C1orf21: variants seen among roughly 807,000 people sequenced by gnomAD.
The protein encoded by C1orf21 is uncharacterized protein C1orf21.
In C1orf21, 3 loss-of-function variants were observed where a neutral mutation model predicts 18.7. The observed-to-expected ratio is 0.16, with a 90% CI of 0.07 to 0.42. C1orf21 has a LOEUF of 0.42. Ranked by LOEUF, C1orf21 falls within the 10% of genes least tolerant of loss-of-function variation. The probability of loss-of-function intolerance (pLI) is 0.99; values close to 1 mark genes in which losing one functional copy is unlikely to be tolerated. For synonymous variants in C1orf21, 41 were observed against 46.4 expected (o/e 0.88, Z 0.47); for missense variants, 104 against 143.6 (o/e 0.72, Z 1.41).
At chr1:184,391,550 C>T (rs951522013) in intron 1 of C1orf21, among the ~76,000 whole-genome samples, 1 of 152,098 alleles carries the variant, frequency 6.6e-6, no homozygotes, top group African/African-American at 2.4e-5. Flanking sequence ...GTCAAAATTT[C>T]CTTGGAGAAA....
At chr1:184,496,046 T>C (rs924516825) in intron 2 of C1orf21, among the ~76,000 whole-genome samples, 4 of 152,004 alleles carry the variant, frequency 2.6e-5, no homozygotes, top group Middle Eastern at 3.2e-3. Flanking sequence ...TGAAGAGAAG[T>C]TGGCAGAAGG....
intron 3 of C1orf21, among the ~76,000 whole-genome samples, chr1:184,577,147 G>A (rs1309167719): frequency 1.3e-5 from 2 of 150,756 alleles, no homozygotes; most frequent in African/African-American, 2.4e-5. Flanking sequence ...GATGAAATTA[G>A]GGATCTTGGC....
chr1:184,578,443 A>G (rs1659225837), intron 3 of C1orf21, among the ~76,000 whole-genome samples: 1 of 152,210 alleles, frequency 6.6e-6, no homozygotes, highest in Non-Finnish European at 1.5e-5. Context: ...GGTTGTATGT[A>G]TGCAGCTTTC....
intron 5 of C1orf21, among the ~76,000 whole-genome samples, chr1:184,607,850 C>T (rs1231558139): frequency 6.6e-6 from 1 of 151,790 alleles, no homozygotes; most frequent in Non-Finnish European, 1.5e-5. Flanking sequence ...TTGTATGATA[C>T]CATGTACATT....
chr1:184,484,167 G>T (rs1657699252), intron 2 of C1orf21, among the ~76,000 whole-genome samples: 1 of 152,068 alleles, frequency 6.6e-6, no homozygotes, highest in African/African-American at 2.4e-5. Flanking sequence ...AACCTCAGGT[G>T]ATCCACCCGC....
intron 1 of C1orf21, among the ~76,000 whole-genome samples, chr1:184,397,317 T>C (rs1656066544): frequency 6.6e-6 from 1 of 152,250 alleles, no homozygotes; most frequent in African/African-American, 2.4e-5. Flanking sequence ...CTAGGCACAG[T>C]GGCTCACGCC....
At chr1:184,567,884 A>G (rs1199006023) in intron 3 of C1orf21, 2 of 198,458 alleles carry the variant, frequency 1.0e-5, no homozygotes, top group African/African-American at 2.4e-5. Flanking sequence ...TCCAGGGGCT[A>G]ATCTTGAGAC....
chr1:184,559,219 A>G (rs752387737), intron 3 of C1orf21, among the ~76,000 whole-genome samples: 2 of 152,086 alleles, frequency 1.3e-5, no homozygotes, highest in Non-Finnish European at 2.9e-5. Context: ...TATTTTCGCA[A>G]TAGTGAGTTA....
rs148775977 is a variant in C1orf21 at position 184,596,763 on chromosome 1, C to T, written c.267-1638C>T. On this transcript the variant is annotated intron_variant, in intron 4 of 5. Coordinates refer to ENST00000235307, the MANE Select transcript of C1orf21 (RefSeq NM_030806.4). ...GCTCACGCCTGCAGTCCCAACTACT[C>T]GGGAGGCTGAGGCAGGAGAATTGCT... Among the ~76,000 whole-genome samples, 954 of 151,280 alleles carry T rather than the reference C, an allele frequency of 6.3e-3. 12 individuals are homozygous for T. Among genetic ancestry groups the T allele is most frequent in the African/African-American group, 0.022 (902 of 41,242 alleles).
chr1:184,421,786 A>T (rs921443755), intron 1 of C1orf21, among the ~76,000 whole-genome samples: 8 of 152,226 alleles, frequency 5.3e-5, no homozygotes, highest in Non-Finnish European at 7.3e-5. Flanking sequence ...TACTATTTAC[A>T]GTGGAGCTGT....
At chr1:184,593,413 T>A (rs1178481277) in intron 4 of C1orf21, among the ~76,000 whole-genome samples, 1 of 152,194 alleles carries the variant, frequency 6.6e-6, no homozygotes, top group Non-Finnish European at 1.5e-5. Flanking sequence ...CTTGCTGACA[T>A]ATAGGATCAA....
chr1:184,542,635 T>C (rs1368784543), intron 3 of C1orf21: 1 of 152,218 alleles, frequency 6.6e-6, no homozygotes, highest in African/African-American at 2.4e-5. Context: ...TTCTCCTTCC[T>C]ACATGGAGAG....
At chr1:184,515,532 AT>A (rs1283385898) in intron 3 of C1orf21, among the ~76,000 whole-genome samples, 1 of 152,196 alleles carries the variant, frequency 6.6e-6, no homozygotes, top group East Asian at 1.9e-4. Flanking sequence ...TTAAAAGTAT[AT>A]TACCCCAGAC....
chr1:184,473,702 G>T (rs1571375084), intron 1 of C1orf21, among the ~76,000 whole-genome samples: 1 of 152,110 alleles, frequency 6.6e-6, no homozygotes, highest in East Asian at 1.9e-4. Flanking sequence ...CTTTAGCTCT[G>T]CTCAGGTCTC....
Position 184,390,436 on chromosome 1 carries a change from C to T in C1orf21, c.-125+3068C>T, listed in dbSNP as rs149775543. Among the ~76,000 whole-genome samples the T allele has an allele frequency of 5.9e-5, 9 of 152,254 alleles. No individual in the cohort carries two copies. In the East Asian group the frequency reaches 1.7e-3, roughly 29 times the overall value. ...GGTCTGATCTTACAATGCAAGTTTACATGAAAATAATTTGTATGTGAAAGT... is the reference window on the plus strand; with the variant it reads ...GGTCTGATCTTACAATGCAAGTTTATATGAAAATAATTTGTATGTGAAAGT... On this transcript the variant is annotated intron_variant, in intron 1 of 5. Coordinates refer to ENST00000235307, the MANE Select transcript of C1orf21 (RefSeq NM_030806.4).
chr1:184,437,058 G>A (rs1055175393), intron 1 of C1orf21, among the ~76,000 whole-genome samples: 1 of 152,088 alleles, frequency 6.6e-6, no homozygotes, highest in African/African-American at 2.4e-5. Flanking sequence ...GTAGAGAAAA[G>A]GAGACTAGAT....
At chr1:184,590,910 C>A in intron 4 of C1orf21, 95 bp downstream of exon 4, 1 of 1,181,100 alleles carries the variant, frequency 8.5e-7, no homozygotes, top group Non-Finnish European at 1.2e-6. Flanking sequence ...CAAAAATATT[C>A]AAAAAATAAT....
intron 3 of C1orf21, among the ~76,000 whole-genome samples, chr1:184,530,550 T>C (rs1369251812): frequency 6.6e-6 from 1 of 151,934 alleles, no homozygotes; most frequent in South Asian, 2.1e-4. Flanking sequence ...CCCTTGGTCA[T>C]ACTTCATTAA....
chr1:184,545,623 C>T (rs919279566), intron 3 of C1orf21, among the ~76,000 whole-genome samples: 1 of 152,090 alleles, frequency 6.6e-6, no homozygotes, highest in Non-Finnish European at 1.5e-5. Flanking sequence ...CTCCTATGCT[C>T]GCCTCAGATC....
Sources: allele counts gnomAD v4.1 joint callset (sites outside exome capture counted in the v4.1 genomes callset), GRCh38; gene constraint gnomAD v4.1.1; transcripts MANE v1.5; gene names NCBI Gene and HGNC (gene_info 2026-07-23, HGNC 2026-07-21).